Variants in ARHGAP31 observed in about 807,000 individuals in gnomAD.
ARHGAP31 encodes the protein rho GTPase-activating protein 31.
In ARHGAP31, 34 loss-of-function variants were observed where a neutral mutation model predicts 113.9. The observed-to-expected ratio is 0.30, with a 90% CI of 0.23 to 0.40. The LOEUF (loss-of-function observed/expected upper bound fraction) is 0.40, where lower values mean the gene tolerates loss of function less well. Ranked by LOEUF, ARHGAP31 falls within the 10% of genes least tolerant of loss-of-function variation. The pLI, the probability that ARHGAP31 is intolerant of heterozygous loss-of-function variation, is 1.00. For synonymous variants in ARHGAP31, 650 were observed against 684.8 expected (o/e 0.95, Z 0.79); for missense variants, 1,548 against 1,767.1 (o/e 0.88, Z 2.22).
At chr3:119,308,836 T>C (rs2079653380) in intron 1 of ARHGAP31, among the ~76,000 whole-genome samples, 2 of 152,010 alleles carry the variant, frequency 1.3e-5, no homozygotes, top group Non-Finnish European at 2.9e-5. Context: ...CATTATATGA[T>C]TTTTTTTGTT....
chr3:119,375,012 T>C (rs1464946536), intron 3 of ARHGAP31, among the ~76,000 whole-genome samples: 1 of 152,196 alleles, frequency 6.6e-6, no homozygotes, highest in African/African-American at 2.4e-5. Flanking sequence ...TGCTTTTTTT[T>C]TTGTTTTGCT....
intron 1 of ARHGAP31, among the ~76,000 whole-genome samples, chr3:119,319,271 T>C (rs144384519): frequency 1.6e-3 from 246 of 151,976 alleles, no homozygotes; most frequent in African/African-American, 5.8e-3. Flanking sequence ...TTCTTTCTTT[T>C]TAGGGATGGG....
At chr3:119,379,468 T>A (rs2080376692) in intron 3 of ARHGAP31, among the ~76,000 whole-genome samples, 1 of 152,154 alleles carries the variant, frequency 6.6e-6, no homozygotes. Flanking sequence ...AGTGTGAAAT[T>A]CAGTATTTAC....
At chr3:119,362,629 A>G (rs895442898) in intron 1 of ARHGAP31, among the ~76,000 whole-genome samples, 4 of 152,062 alleles carry the variant, frequency 2.6e-5, no homozygotes, top group Admixed American at 6.6e-5. Context: ...TTAGCTGGGC[A>G]TGGTGGCAGG....
chr3:119,414,608 T>A lies in ARHGAP31; in HGVS notation c.2679T>A (p.Thr893=). 1 of 1,614,206 alleles carries A rather than the reference T, an allele frequency of 6.2e-7. No individual in the cohort carries two copies. The highest frequency in any genetic ancestry group is 8.5e-7 in the Non-Finnish European group (1 of 1,180,030). The change falls in exon 12 of 12, where the codon ACT becomes ACA. Residue 893 remains threonine, a synonymous_variant. Transcript: ENST00000264245. ...QEPSDCDEDD[T]VTDIAQHGLE... Reference sequence around the variant, plus strand: ...CTTCAGACTGTGACGAAGATGACACTGTGACAGACATTGCCCAGCATGGCC... The same window carrying A: ...CTTCAGACTGTGACGAAGATGACACAGTGACAGACATTGCCCAGCATGGCC...
chr3:119,312,884 A>T (rs9825078), intron 1 of ARHGAP31, among the ~76,000 whole-genome samples: 56,971 of 152,038 alleles, frequency 0.37, 10,902 homozygotes, highest in Non-Finnish European at 0.41. Context: ...GGCTAGTGGC[A>T]GTTACACTGG....
At position 119,414,186 on chromosome 3, in the gene ARHGAP31, G is replaced by C. The variant is rs866947198; in HGVS notation, c.2257G>C (p.Ala753Pro). The part of the protein sequence containing the change: ...QGLHPDLASL[A>P]PLEIVPFEKA... The stretch of plus-strand genomic sequence containing the variant: ...CCTGCACCCAGACCTCGCCAGCCTG[G>C]CTCCTCTGGAAATAGTTCCTTTTGA... Residue 753 changes from alanine (A) to proline (P), a missense_variant, in exon 12 of 12, where the codon GCT becomes CCT. Physicochemically the swap from Ala to Pro is conservative, Grantham distance 27 (BLOSUM62 -1). Transcript: ENST00000264245. 1 of 1,614,118 alleles carries C rather than the reference G, an allele frequency of 6.2e-7. No homozygotes were observed. Among genetic ancestry groups the C allele is most frequent in the African/African-American group, 1.3e-5 (1 of 75,022 alleles).
intron 1 of ARHGAP31, among the ~76,000 whole-genome samples, chr3:119,358,526 C>A (rs1402704360): frequency 2.0e-5 from 3 of 152,126 alleles, no homozygotes; most frequent in Admixed American, 6.5e-5. Context: ...AAACATATAT[C>A]CATACAAAAA....
At chr3:119,411,814 C>G (rs938381983) in intron 11 of ARHGAP31, among the ~76,000 whole-genome samples, 3 of 152,142 alleles carry the variant, frequency 2.0e-5, no homozygotes, top group African/African-American at 7.2e-5. Flanking sequence ...TCAGCAGACC[C>G]TTTATTGAGC....
Position 119,414,416 on chromosome 3 carries a change from G to C in ARHGAP31, c.2487G>C (p.Glu829Asp). The change falls in exon 12 of 12, where the codon GAG becomes GAC. Residue 829 changes from glutamate (E) to aspartate (D), a missense_variant. Glu to Asp is a conservative substitution (Grantham distance 45). Transcript: ENST00000264245. ...IDQLKSQDSP[E>D]ISSLCQGEEA... The stretch of plus-strand genomic sequence containing the variant: ...AGCTGAAGTCCCAAGACAGCCCTGA[G>C]ATCTCTAGCCTCTGTCAGGGAGAGG... The C allele has an allele frequency of 6.2e-7, 1 of 1,614,254 alleles. No individual in the cohort carries two copies. Among genetic ancestry groups the C allele is most frequent in the Non-Finnish European group, 8.5e-7 (1 of 1,180,054 alleles).
chr3:119,389,207 A>G (rs1035358286), intron 6 of ARHGAP31, among the ~76,000 whole-genome samples: 1 of 152,022 alleles, frequency 6.6e-6, no homozygotes, highest in Non-Finnish European at 1.5e-5. Flanking sequence ...AACAAACAAA[A>G]AAAACCATCT....
chr3:119,350,276 G>T (rs974597859), intron 1 of ARHGAP31, among the ~76,000 whole-genome samples: 1 of 152,166 alleles, frequency 6.6e-6, no homozygotes, highest in Non-Finnish European at 1.5e-5. Flanking sequence ...AGCGGTTCTG[G>T]AAACAATGGC....
At chr3:119,411,875 A>G (rs746305224) in intron 11 of ARHGAP31, among the ~76,000 whole-genome samples, 3 of 152,216 alleles carry the variant, frequency 2.0e-5, no homozygotes, top group Admixed American at 6.5e-5. Flanking sequence ...ATCAAAGATG[A>G]ATAAACACAA....
intron 11 of ARHGAP31, 91 bp from the exon 12 acceptor site, chr3:119,413,765 T>G (rs1577036046): frequency 3.8e-5 from 60 of 1,575,234 alleles, no homozygotes; most frequent in Admixed American, 1.7e-5. Context: ...CACAGGCTGG[T>G]GCTGTCAGTC....
At chr3:119,322,834 AGG>A (rs1437226267) in intron 1 of ARHGAP31, 12 of 152,974 alleles carry the variant, frequency 7.8e-5, no homozygotes. Flanking sequence ...GGGCTCCGCC[AGG>A]GGGAGGGGGA....
At position 119,415,283 on chromosome 3, in the gene ARHGAP31, C is replaced by T. The variant is rs201942751; in HGVS notation, c.3354C>T (p.Leu1118=). Residue 1118 remains leucine, a synonymous_variant, in exon 12 of 12, where the codon CTC becomes CTT. Coordinates refer to ENST00000264245, the MANE Select transcript of ARHGAP31 (RefSeq NM_020754.4). ...ACCCTGCCATTCCCATTGCTGACCTCTTCTGGTTTGAGAATGTGGCCTCAT... is the reference window on the plus strand; with the variant it reads ...ACCCTGCCATTCCCATTGCTGACCTTTTCTGGTTTGAGAATGTGGCCTCAT... ...NLDPAIPIAD[L]FWFENVASFS... 1.9e-6 allele frequency: 3 copies of T among 1,614,128 alleles called. No individual in the cohort carries two copies. Among genetic ancestry groups the T allele is most frequent in the Non-Finnish European group, 1.7e-6 (2 of 1,180,048 alleles).
At chr3:119,321,925 T>A (rs945020396) in intron 1 of ARHGAP31, among the ~76,000 whole-genome samples, 1 of 152,180 alleles carries the variant, frequency 6.6e-6, no homozygotes, top group Non-Finnish European at 1.5e-5. Context: ...AGTGCTGGGA[T>A]TACAGGCGTG....
intron 5 of ARHGAP31, among the ~76,000 whole-genome samples, 176 bp downstream of exon 5, chr3:119,382,575 T>A (rs754871528): frequency 6.6e-6 from 1 of 152,266 alleles, no homozygotes; most frequent in Non-Finnish European, 1.5e-5. Context: ...CTAAGCTCTC[T>A]GCCTGCTAAC....
intron 1 of ARHGAP31, among the ~76,000 whole-genome samples, chr3:119,331,147 A>C (rs2079888239): frequency 6.6e-6 from 1 of 152,212 alleles, no homozygotes; most frequent in African/African-American, 2.4e-5. Context: ...AATGAGTTCC[A>C]GGGGTGCTTG....
Sources: allele counts gnomAD v4.1 joint callset (sites outside exome capture counted in the v4.1 genomes callset), GRCh38; gene constraint gnomAD v4.1.1; transcripts MANE v1.5; gene names NCBI Gene and HGNC (gene_info 2026-07-23, HGNC 2026-07-21).